Variants in PCDHA1 observed in about 807,000 individuals in gnomAD.
PCDHA1 encodes protocadherin alpha-1.
A neutral mutation model predicts 61.3 loss-of-function variants in PCDHA1; 42 were observed. The ratio of observed to expected loss-of-function variants is 0.69; its 90% CI spans 0.54 to 0.89. The LOEUF (loss-of-function observed/expected upper bound fraction) is 0.89. Ranked by LOEUF, PCDHA1 falls within the 40% of genes least tolerant of loss-of-function variation. PCDHA1 has a pLI of 0.00. For missense variants in PCDHA1, 1,256 were observed against 1,235.3 expected (o/e 1.02, Z -0.25); for synonymous variants, 610 against 553.8 (o/e 1.10, Z -1.43).
intron 1 of PCDHA1, chr5:140,928,370 C>T (rs2085193734): frequency 6.2e-7 from 1 of 1,614,062 alleles, no homozygotes; most frequent in South Asian, 1.1e-5. Context: ...GAAGGGCCAT[C>T]AGCCTCTAGC....
intron 1 of PCDHA1, chr5:140,824,610 G>GGTTTTTTTTTT (rs1768189767): frequency 1.1e-5 from 1 of 95,104 alleles, no homozygotes; most frequent in African/African-American, 4.9e-5. Context: ...GCTAATTAAA[G>GGTTTTTTTTTT]TTTTTTTTTT....
chr5:140,898,843 C>G (rs1449030828), intron 1 of PCDHA1, among the ~76,000 whole-genome samples: 17 of 152,100 alleles, frequency 1.1e-4, no homozygotes, highest in Non-Finnish European at 1.3e-4. Context: ...TCTTCCATTT[C>G]TTTGTATCCT....
chr5:140,821,559 G>C, intron 1 of PCDHA1: 1 of 518,590 alleles, frequency 1.9e-6, no homozygotes, highest in Non-Finnish European at 3.3e-6. Flanking sequence ...ACATGATGTC[G>C]CTGGACACCG....
chr5:140,835,558 G>A (rs1359916127), intron 1 of PCDHA1: 13 of 1,613,894 alleles, frequency 8.1e-6, no homozygotes, highest in Non-Finnish European at 1.0e-5. Context: ...CTGACGCCCC[G>A]CGTTCCCTTC....
At position 140,850,416 on chromosome 5, in the gene PCDHA1, G is replaced by A. The variant is rs2150483366; in HGVS notation, c.2394+61732G>A. 14 of 1,598,000 alleles carry A rather than the reference G, an allele frequency of 8.8e-6. 2 individuals are homozygous for A. In the Admixed American group the frequency reaches 2.0e-4, roughly 23 times the overall value. Reference sequence around the variant, plus strand: ...CACAACGCGTGCCCTGGACGAAACGGACGCACCGCGCCAGCGCCTACTGGT... The same window carrying A: ...CACAACGCGTGCCCTGGACGAAACGAACGCACCGCGCCAGCGCCTACTGGT... On this transcript the variant is annotated intron_variant, in intron 1 of 3. Transcript: ENST00000504120.
chr5:140,832,676 A>G (rs1772104728), intron 1 of PCDHA1, among the ~76,000 whole-genome samples: 1 of 152,242 alleles, frequency 6.6e-6, no homozygotes. Context: ...GCTGAGAATC[A>G]TCGAATTAAC....
intron 1 of PCDHA1, among the ~76,000 whole-genome samples, chr5:140,874,530 G>A (rs1332198120): frequency 1.3e-5 from 2 of 152,200 alleles, no homozygotes; most frequent in Admixed American, 1.3e-4. Flanking sequence ...ATGAGATTAG[G>A]CTCCAAAACC....
At chr5:140,969,994 CAGAG>C (rs1406079395) in intron 1 of PCDHA1, among the ~76,000 whole-genome samples, 2 of 152,032 alleles carry the variant, frequency 1.3e-5, no homozygotes, top group Non-Finnish European at 1.5e-5. Context: ...AGAGGGCTGT[CAGAG>C]GGAGTGGATG....
Position 140,857,808 on chromosome 5 carries a change from G to A in PCDHA1, c.2394+69124G>A. ...CTGGTGCTGCGGTCGGTGGTTGCGG[G>A]TCACGTGGTGGCTAAGGTGCGCGCA... On this transcript the variant is annotated intron_variant, in intron 1 of 3. Coordinates refer to ENST00000504120, the MANE Select transcript of PCDHA1 (RefSeq NM_018900.4). The A allele has an allele frequency of 4.4e-6, 7 of 1,597,848 alleles. 1 individual carries two copies. The highest frequency in any genetic ancestry group is 6.0e-6 in the Non-Finnish European group (7 of 1,167,652).
At position 140,843,135 on chromosome 5, in the gene PCDHA1, C is replaced by T. The variant is rs2150353649; in HGVS notation, c.2394+54451C>T. 5 of 1,596,024 alleles carry T rather than the reference C, an allele frequency of 3.1e-6. No individual in the cohort carries two copies. The highest frequency in any genetic ancestry group is 3.4e-6 in the Non-Finnish European group (4 of 1,165,590). On this transcript the variant is annotated intron_variant, in intron 1 of 3. Transcript: ENST00000504120. ...GTGGACGCCGACTCGGGCTACAACG[C>T]GTGGCTTTCGTATGAGCTGCAGCCA...
At chr5:140,876,172 G>C in intron 1 of PCDHA1, 1 of 1,613,970 alleles carries the variant, frequency 6.2e-7, no homozygotes, top group East Asian at 2.2e-5. Flanking sequence ...AACCGTCCTG[G>C]ATGTGAATGA....
chr5:141,006,275 G>A (rs782763386), intron 3 of PCDHA1, among the ~76,000 whole-genome samples: 1 of 151,772 alleles, frequency 6.6e-6, no homozygotes. Flanking sequence ...GCAGTGGCAC[G>A]ATCTCAGCTC....
chr5:140,843,489 G>T lies in PCDHA1; in HGVS notation c.2394+54805G>T, dbSNP rs2150361158. On this transcript the variant is annotated intron_variant, in intron 1 of 3. Transcript: ENST00000504120. ...CTGCTGCTGTACACTGCGCTGCGGT[G>T]CTCAGCACTGCCCACTGAGGGCGGG... The T allele has an allele frequency of 1.3e-6, 2 of 1,596,080 alleles. No homozygotes were observed. The highest frequency in any genetic ancestry group is 1.7e-6 in the Non-Finnish European group (2 of 1,165,638).
Position 140,800,800 on chromosome 5 carries a change from A to G in PCDHA1, c.2394+12116A>G, listed in dbSNP as rs183973155. On this transcript the variant is annotated intron_variant, in intron 1 of 3. Transcript: ENST00000504120. ...TGTCCACTGTTAAAACAGGAATCAC[A>G]ATATTTTAGTGTATGTCATGAATTA... is the stretch of plus-strand genomic sequence containing the variant. Among the ~76,000 whole-genome samples, 227 of 152,382 alleles carry G rather than the reference A, an allele frequency of 1.5e-3. 1 individual carries two copies. Among genetic ancestry groups the G allele is most frequent in the Non-Finnish European group, 2.8e-3 (192 of 68,038 alleles).
At position 140,845,310 on chromosome 5, in the gene PCDHA1, CAG is replaced by C. The variant is rs2150378304; in HGVS notation, c.2394+56627_2394+56628del. On this transcript the variant is annotated intron_variant, in intron 1 of 3. Transcript: ENST00000504120. ...ATCCTGTCTATGTCTACCTGGTTCT[CAG>C]GTATTACTTTAATTACTGAATTCTC... Among the ~76,000 whole-genome samples the C allele has an allele frequency of 4.5e-4, 68 of 149,506 alleles. 3 individuals carry two copies. The highest frequency in any genetic ancestry group is 6.9e-3 in the Middle Eastern group (2 of 290).
At chr5:140,992,925 C>G (rs548869982) in intron 3 of PCDHA1, among the ~76,000 whole-genome samples, 1 of 152,312 alleles carries the variant, frequency 6.6e-6, no homozygotes, top group South Asian at 2.1e-4. Flanking sequence ...TCCATACTTA[C>G]AGCAGCTCTG....
At chr5:140,957,780 G>A (rs2095383354) in intron 1 of PCDHA1, among the ~76,000 whole-genome samples, 1 of 152,020 alleles carries the variant, frequency 6.6e-6, no homozygotes, top group Non-Finnish European at 1.5e-5. Context: ...TAAAAACTAA[G>A]TTCATCATAT....
rs781967971 is a variant in PCDHA1 at position 140,875,741 on chromosome 5, T to C, written c.2394+87057T>C. 10 of 1,614,098 alleles carry C rather than the reference T, an allele frequency of 6.2e-6. No homozygotes were observed. The highest frequency in any genetic ancestry group is 8.5e-6 in the Non-Finnish European group (10 of 1,180,040). On this transcript the variant is annotated intron_variant, in intron 1 of 3. Coordinates refer to ENST00000504120, the MANE Select transcript of PCDHA1 (RefSeq NM_018900.4). ...GGCATTTTGTTTGTGAATTCTCGGA[T>C]CGACCGCGAGAAGCTGTGCGGGCGG...
chr5:140,946,997 C>A (rs2094069050), intron 1 of PCDHA1, among the ~76,000 whole-genome samples: 1 of 151,382 alleles, frequency 6.6e-6, no homozygotes. Context: ...GTTCTAACTT[C>A]AAAGAAATGA....
Sources: allele counts gnomAD v4.1 joint callset (sites outside exome capture counted in the v4.1 genomes callset), GRCh38; gene constraint gnomAD v4.1.1; transcripts MANE v1.5; gene names NCBI Gene and HGNC (gene_info 2026-07-23, HGNC 2026-07-21).